Variants in POLR1D observed in about 807,000 individuals in gnomAD.
POLR1D encodes the protein RNA polymerase I and III subunit D, also known as DNA-directed RNA polymerases I and III subunit RPAC2.
POLR1D carries 8 observed loss-of-function variants against 10.8 expected under a neutral mutation model. The observed-to-expected ratio is 0.74, with a 90% CI of 0.43 to 1.33. The LOEUF (loss-of-function observed/expected upper bound fraction) is 1.33. Ranked by LOEUF, POLR1D falls within the 40% of genes most tolerant of loss-of-function variation. The probability of loss-of-function intolerance (pLI) is 0.01; values close to 1 mark genes in which losing one functional copy is unlikely to be tolerated. For missense variants in POLR1D, 152 were observed against 161.7 expected, an observed-to-expected ratio of 0.94 and a Z score of 0.32; for synonymous variants, 54 against 57.2, an observed-to-expected ratio of 0.94 and a Z score of 0.25.
At chr13:27,665,134 G>C (rs1566155059) in intron 2 of POLR1D, 1 of 155,594 alleles carries the variant, frequency 6.4e-6, no homozygotes, top group African/African-American at 2.4e-5. Flanking sequence ...CTGGCATCCT[G>C]AAATAGAAGT....
chr13:27,620,813 G>A (rs959504638), upstream of POLR1D: 1 of 153,414 alleles, frequency 6.5e-6, no homozygotes, highest in Non-Finnish European at 1.5e-5. Flanking sequence ...TTCCCCTGCG[G>A]AAGCCCCGCT....
intron 1 of POLR1D, among the ~76,000 whole-genome samples, chr13:27,622,552 C>A (rs1456560266): frequency 6.6e-6 from 1 of 152,198 alleles, no homozygotes; most frequent in Non-Finnish European, 1.5e-5. Flanking sequence ...CATCCTCTAG[C>A]AGGACCAGTC....
At chr13:27,658,926 T>A (rs1956332232) in intron 2 of POLR1D, among the ~76,000 whole-genome samples, 1 of 152,236 alleles carries the variant, frequency 6.6e-6, no homozygotes, top group Non-Finnish European at 1.5e-5. Context: ...ACTTCAGCCT[T>A]ATACTTGGAA....
chr13:27,653,143 G>A (rs968446940), intron 2 of POLR1D, among the ~76,000 whole-genome samples: 13 of 151,532 alleles, frequency 8.6e-5, no homozygotes, highest in African/African-American at 1.7e-4. Context: ...CCTAGTGATC[G>A]CCTGCCTTGG....
intron 1 of POLR1D, chr13:27,622,230 A>G (rs1955945992): frequency 3.3e-6 from 2 of 602,520 alleles, no homozygotes; most frequent in South Asian, 1.9e-5. Flanking sequence ...AGAGTTAAGT[A>G]TCCGAACTGC....
At chr13:27,627,120 C>T (rs1034919889), downstream of POLR1D, among the ~76,000 whole-genome samples, 7 of 152,188 alleles carry the variant, frequency 4.6e-5, no homozygotes, top group Non-Finnish European at 8.8e-5. Context: ...TTGTAACAAC[C>T]TTTAAACTGG....
chr13:27,651,379 C>T (rs998489189), intron 2 of POLR1D: 5 of 152,108 alleles, frequency 3.3e-5, no homozygotes, highest in African/African-American at 1.2e-4. Context: ...TTTATCCAAA[C>T]TAACTGTAAA....
At chr13:27,637,613 G>C (rs972361522) in intron 1 of POLR1D, among the ~76,000 whole-genome samples, 3 of 152,000 alleles carry the variant, frequency 2.0e-5, no homozygotes, top group Admixed American at 2.0e-4. Flanking sequence ...TATAAATATG[G>C]AATTTTCCCA....
At chr13:27,642,726 A>G (rs1244707764) in intron 1 of POLR1D, among the ~76,000 whole-genome samples, 5 of 152,226 alleles carry the variant, frequency 3.3e-5, no homozygotes, top group Admixed American at 2.0e-4. Flanking sequence ...AATAGCTATC[A>G]TATTTCTTCT....
chr13:27,662,134 T>C (rs1228114673), intron 2 of POLR1D, among the ~76,000 whole-genome samples: 1 of 152,228 alleles, frequency 6.6e-6, no homozygotes, highest in African/African-American at 2.4e-5. Flanking sequence ...GATTAACTTA[T>C]TATCACAGGT....
intron 2 of POLR1D, chr13:27,660,943 G>A (rs1019103520): frequency 6.6e-6 from 1 of 152,184 alleles, no homozygotes; most frequent in Non-Finnish European, 1.5e-5. Context: ...GTACCCTGTT[G>A]GCTGGCGATC....
chr13:27,652,779 A>C (rs1956277081), intron 2 of POLR1D, among the ~76,000 whole-genome samples: 1 of 151,856 alleles, frequency 6.6e-6, no homozygotes, highest in Admixed American at 6.6e-5. Context: ...AGGCAGGAGA[A>C]TCACTTGAAC....
downstream of POLR1D, among the ~76,000 whole-genome samples, chr13:27,624,385 T>C (rs770956237): frequency 2.7e-4 from 41 of 152,190 alleles, no homozygotes; most frequent in Non-Finnish European, 4.6e-4. Context: ...TATGAATTCA[T>C]GTAAGTAGTT....
At chr13:27,624,104 G>A (rs1220573798), downstream of POLR1D, among the ~76,000 whole-genome samples, 6 of 152,154 alleles carry the variant, frequency 3.9e-5, no homozygotes, top group Non-Finnish European at 1.5e-5. Context: ...CCACCCGCCA[G>A]TGCTCTGTGC....
intron 2 of POLR1D, chr13:27,665,432 T>G: frequency 2.0e-6 from 1 of 510,534 alleles, no homozygotes; most frequent in Non-Finnish European, 3.5e-6. Context: ...TGAACTTCAG[T>G]AGGAAATTTA....
chr13:27,624,615 T>C (rs1226337506), downstream of POLR1D, among the ~76,000 whole-genome samples: 1 of 151,880 alleles, frequency 6.6e-6, no homozygotes, highest in African/African-American at 2.4e-5. Context: ...TAAAAAAAAA[T>C]TGTGAGGCTC....
chr13:27,626,996 A>G (rs1858165371), downstream of POLR1D, among the ~76,000 whole-genome samples: 1 of 152,150 alleles, frequency 6.6e-6, no homozygotes, highest in South Asian at 2.1e-4. Context: ...TCCGTGGCCT[A>G]CCACTCCCCA....
intron 1 of POLR1D, among the ~76,000 whole-genome samples, chr13:27,633,822 C>T (rs965701045): frequency 1.3e-5 from 2 of 152,186 alleles, no homozygotes; most frequent in African/African-American, 4.8e-5. Flanking sequence ...GTTCTGCATA[C>T]TTAAACATAA....
At chr13:27,636,275 A>G (rs1280836686) in intron 1 of POLR1D, among the ~76,000 whole-genome samples, 2 of 152,130 alleles carry the variant, frequency 1.3e-5, no homozygotes, top group African/African-American at 4.8e-5. Flanking sequence ...TTTTGAGTTA[A>G]ATTTTCAAAA....
Sources: allele counts gnomAD v4.1 joint callset (sites outside exome capture counted in the v4.1 genomes callset), GRCh38; gene constraint gnomAD v4.1.1; transcripts MANE v1.5; gene names NCBI Gene and HGNC (gene_info 2026-07-23, HGNC 2026-07-21).